LRMDA: variants seen among roughly 807,000 people sequenced by gnomAD.
LRMDA encodes leucine-rich melanocyte differentiation-associated protein.
In LRMDA, 18 loss-of-function variants were observed where a neutral mutation model predicts 29.8. The ratio of observed to expected loss-of-function variants is 0.60; its 90% CI spans 0.42 to 0.90. The LOEUF (loss-of-function observed/expected upper bound fraction) is 0.90, where lower values mean the gene tolerates loss of function less well. LRMDA is among the 40% of genes least tolerant of loss of function. The pLI is 0.00. For synonymous variants in LRMDA, 125 were observed against 109.4 expected, an observed-to-expected ratio of 1.14 and a Z score of -0.89; for missense variants, 273 against 273.9, an observed-to-expected ratio of 1.00 and a Z score of 0.02.
intron 2 of LRMDA, among the ~76,000 whole-genome samples, chr10:75,489,110 A>G (rs1844952151): frequency 6.6e-6 from 1 of 152,142 alleles, no homozygotes; most frequent in African/African-American, 2.4e-5. Context: ...TGTAAGAACC[A>G]GAGAGGGACC....
intron 2 of LRMDA, among the ~76,000 whole-genome samples, chr10:75,676,076 G>C (rs1237235226): frequency 6.6e-6 from 1 of 151,016 alleles, no homozygotes; most frequent in Non-Finnish European, 1.5e-5. Flanking sequence ...GGTGGGGAGA[G>C]GGTCTCAAAC....
chr10:75,983,402 G>T (rs1022016723), intron 2 of LRMDA, among the ~76,000 whole-genome samples: 1 of 152,200 alleles, frequency 6.6e-6, no homozygotes, highest in African/African-American at 2.4e-5. Context: ...TGAAGTGGCT[G>T]AGTGTGGCGG....
chr10:76,523,254 ACT>A (rs1454183780), intron 6 of LRMDA, among the ~76,000 whole-genome samples: 2 of 151,660 alleles, frequency 1.3e-5, no homozygotes, highest in East Asian at 3.9e-4. Flanking sequence ...GCTCACGCAG[ACT>A]CTTCCTTCTT....
chr10:76,221,358 T>A (rs1851831386), intron 5 of LRMDA, among the ~76,000 whole-genome samples: 1 of 152,258 alleles, frequency 6.6e-6, no homozygotes, highest in Non-Finnish European at 1.5e-5. Context: ...GACATGATTG[T>A]ACATCTAGAA....
intron 2 of LRMDA, among the ~76,000 whole-genome samples, chr10:75,697,357 C>T (rs1056208036): frequency 2.0e-5 from 3 of 149,788 alleles, no homozygotes; most frequent in Admixed American, 6.6e-5. Flanking sequence ...GTTTCTCCTT[C>T]AGACATTAGG....
intron 2 of LRMDA, among the ~76,000 whole-genome samples, chr10:75,710,330 T>A (rs1842421058): frequency 6.6e-6 from 1 of 152,212 alleles, no homozygotes; most frequent in African/African-American, 2.4e-5. Flanking sequence ...TTCTGTAGAC[T>A]GTTATTTATG....
intron 2 of LRMDA, among the ~76,000 whole-genome samples, chr10:75,574,793 C>T (rs957753173): frequency 1.3e-5 from 2 of 152,154 alleles, no homozygotes; most frequent in African/African-American, 4.8e-5. Flanking sequence ...GTTTAACTGT[C>T]CTGCTAGACA....
At chr10:75,575,086 T>C (rs999775892) in intron 2 of LRMDA, among the ~76,000 whole-genome samples, 2 of 152,078 alleles carry the variant, frequency 1.3e-5, no homozygotes, top group Admixed American at 6.6e-5. Context: ...CCACACACTT[T>C]CAAATGACCA....
At chr10:75,530,672 C>G (rs1368383439) in intron 2 of LRMDA, among the ~76,000 whole-genome samples, 1 of 152,166 alleles carries the variant, frequency 6.6e-6, no homozygotes, top group East Asian at 1.9e-4. Flanking sequence ...TGCATTCCCT[C>G]CCACTAGGCC....
At chr10:76,420,606 A>C (rs1842062602) in intron 6 of LRMDA, among the ~76,000 whole-genome samples, 1 of 151,794 alleles carries the variant, frequency 6.6e-6, no homozygotes, top group Non-Finnish European at 1.5e-5. Context: ...ATTTCTTAGG[A>C]TGAATAATTA....
chr10:75,918,443 C>T (rs564979648), intron 2 of LRMDA, among the ~76,000 whole-genome samples: 7 of 151,982 alleles, frequency 4.6e-5, no homozygotes, highest in South Asian at 2.1e-4. Flanking sequence ...AAAGCAGGAG[C>T]GAGCGAGAGA....
intron 2 of LRMDA, among the ~76,000 whole-genome samples, chr10:75,586,452 G>A (rs940986788): frequency 2.1e-5 from 3 of 145,636 alleles, no homozygotes; most frequent in African/African-American, 7.5e-5. Context: ...CTGCCTCCTG[G>A]GCTCAAGGGA....
rs535497295 is a variant in LRMDA at position 76,103,385 on chromosome 10, C to T, written c.516+44602C>T. Among the ~76,000 whole-genome samples the T allele has an allele frequency of 2.3e-3, 353 of 152,314 alleles. 1 individual carries two copies. The highest frequency in any genetic ancestry group is 8.1e-3 in the African/African-American group (337 of 41,578). ...CCAGTTGCCAGTGGGAGAGTTTCCTCATCATGCAGAGTGGATGACTCACTG... is the reference window on the plus strand; with the variant it reads ...CCAGTTGCCAGTGGGAGAGTTTCCTTATCATGCAGAGTGGATGACTCACTG... On this transcript the variant is annotated intron_variant, in intron 5 of 6. Coordinates refer to ENST00000611255, the MANE Select transcript of LRMDA (RefSeq NM_001305581.2).
At chr10:76,073,550 G>A (rs1207526527) in intron 5 of LRMDA, among the ~76,000 whole-genome samples, 1 of 152,142 alleles carries the variant, frequency 6.6e-6, no homozygotes, top group East Asian at 1.9e-4. Context: ...TTGTATGTAT[G>A]TGCAGGGTAT....
intron 5 of LRMDA, among the ~76,000 whole-genome samples, chr10:76,105,136 G>A (rs562381424): frequency 1.6e-4 from 24 of 152,178 alleles, no homozygotes; most frequent in Admixed American, 3.9e-4. Flanking sequence ...CTTCATCTTG[G>A]TCTGTGTTTC....
At chr10:76,246,923 G>T (rs928034611) in intron 5 of LRMDA, among the ~76,000 whole-genome samples, 3 of 152,212 alleles carry the variant, frequency 2.0e-5, no homozygotes, top group Admixed American at 6.5e-5. Context: ...GCCAGGTCAG[G>T]TCTTGGAGAG....
chr10:76,133,360 G>T (rs1361492675), intron 5 of LRMDA, among the ~76,000 whole-genome samples: 1 of 152,082 alleles, frequency 6.6e-6, no homozygotes, highest in Non-Finnish European at 1.5e-5. Flanking sequence ...CCTGTTGACA[G>T]ATAATTGCTT....
intron 2 of LRMDA, chr10:75,552,424 TTC>T (rs1491302839): frequency 2.4e-3 from 660 of 276,550 alleles, no homozygotes; most frequent in South Asian, 5.6e-3. Context: ...TTTTTTTTTT[TTC>T]CCCCCCCTCT....
rs148717824 is a variant in LRMDA, at chr10:76,026,515, G to T, written c.132-9493G>T. Among the ~76,000 whole-genome samples, 156 of 152,292 alleles carry T rather than the reference G, an allele frequency of 1.0e-3. 2 individuals are homozygous for T. The highest frequency in any genetic ancestry group is 3.7e-3 in the African/African-American group (152 of 41,556). On this transcript the variant is annotated intron_variant, in intron 2 of 6. Coordinates refer to ENST00000611255, the MANE Select transcript of LRMDA (RefSeq NM_001305581.2). ...ATAGGGCATATTTTACACAAATAGA[G>T]CTGTAGCTCTAATATGTAGTTTACT...
Sources: gnomAD v4.1 joint callset for allele counts (sites outside exome capture counted in the v4.1 genomes callset) on GRCh38, gnomAD v4.1.1 for gene constraint, MANE v1.5 for transcripts, NCBI Gene and HGNC (gene_info 2026-07-23, HGNC 2026-07-21) for gene names.